The following ZRANB3 variants were observed in gnomAD, a reference collection of about 807,000 sequenced individuals.
ZRANB3 encodes DNA annealing helicase and endonuclease ZRANB3.
Under a neutral mutation model 133.8 loss-of-function variants are expected in ZRANB3, and 125 were observed. The ratio of observed to expected loss-of-function variants is 0.93; its 90% confidence interval spans 0.81 to 1.08. The LOEUF is 1.08. Ranked by LOEUF, ZRANB3 falls within the 50% of genes least tolerant of loss-of-function variation. The pLI is 0.00. For synonymous variants in ZRANB3, 387 were observed against 432.7 expected, an observed-to-expected ratio of 0.89 and a Z score of 1.31; for missense variants, 1,229 against 1,275.5, an observed-to-expected ratio of 0.96 and a Z score of 0.56.
intron 2 of ZRANB3, among the ~76,000 whole-genome samples, chr2:135,483,240 C>G (rs1691921241): frequency 6.6e-6 from 1 of 152,076 alleles, no homozygotes; most frequent in African/African-American, 2.4e-5. Context: ...GTGAATACAT[C>G]TGGTCCTGGA....
At chr2:135,487,341 G>T (rs1206155959) in intron 2 of ZRANB3, among the ~76,000 whole-genome samples, 1 of 152,188 alleles carries the variant, frequency 6.6e-6, no homozygotes, top group Non-Finnish European at 1.5e-5. Context: ...AAAGGCTCTA[G>T]GATATTCAGA....
chr2:135,248,083 A>G (rs1025864109), intron 12 of ZRANB3, among the ~76,000 whole-genome samples: 1 of 152,126 alleles, frequency 6.6e-6, no homozygotes, highest in Non-Finnish European at 1.5e-5. Flanking sequence ...TTGCTGTTTC[A>G]CAGACTTCAC....
chr2:135,318,391 T>C (rs931305993), intron 6 of ZRANB3, among the ~76,000 whole-genome samples: 19 of 152,156 alleles, frequency 1.2e-4, no homozygotes, highest in African/African-American at 4.6e-4. Flanking sequence ...GTTTGGGGGA[T>C]GGTTGAATAA....
chr2:135,315,414 A>C lies in ZRANB3; in HGVS notation c.794T>G (p.Leu265Arg). The change falls in exon 7 of 21, where the codon CTA becomes CGA. Residue 265 changes from leucine (L) to arginine (R), a missense_variant. Coordinates refer to ENST00000264159, the MANE Select transcript of ZRANB3 (RefSeq NM_032143.4). ...RRLKTEVLTQ[L>R]PPKVRQRIPF... ...AATACGCTGTCTGACTTTAGGGGGTAGCTGGGTTAAAACTTCAGTCTTTAA... is the reference window on the plus strand; with the variant it reads ...AATACGCTGTCTGACTTTAGGGGGTCGCTGGGTTAAAACTTCAGTCTTTAA... 1 of 1,606,466 alleles carries C rather than the reference A, an allele frequency of 6.2e-7. No individual in the cohort carries two copies. Among genetic ancestry groups the C allele is most frequent in the Non-Finnish European group, 8.5e-7 (1 of 1,177,260 alleles).
intron 2 of ZRANB3, among the ~76,000 whole-genome samples, chr2:135,446,163 G>A (rs1447724676): frequency 2.7e-5 from 4 of 149,478 alleles, no homozygotes; most frequent in Non-Finnish European, 5.9e-5. Context: ...CTGAGATTGC[G>A]CCATTGCACT....
At chr2:135,374,474 A>G (rs1366051939) in intron 3 of ZRANB3, among the ~76,000 whole-genome samples, 1 of 152,062 alleles carries the variant, frequency 6.6e-6, no homozygotes, top group Non-Finnish European at 1.5e-5. Flanking sequence ...GACAAGCCAC[A>G]GACTGGAAGA....
chr2:135,197,590 C>T lies in ZRANB3; in HGVS notation c.*2752G>A, dbSNP rs571034442. 4.6e-5 allele frequency: 7 copies of T among 152,218 alleles called. No individual in the cohort carries two copies. The highest frequency in any genetic ancestry group is 2.0e-4 in the Admixed American group (3 of 15,280). The allele number at this position is 152,218 out of a possible 1,614,324, so 9.4% of individuals were successfully genotyped here. A position where few individuals can be genotyped will look rare whatever the true frequency, so the allele number is the denominator to read the frequency against. ...ATTATTCCTCCTGGCTCTGGGGCTA[C>T]TAAAAGCAACTTTACTAGTCATCAG... On this transcript the variant is annotated 3_prime_UTR_variant, in exon 21 of 21. Coordinates refer to ENST00000264159, the MANE Select transcript of ZRANB3 (RefSeq NM_032143.4).
chr2:135,316,652 A>C (rs560816683), intron 6 of ZRANB3, among the ~76,000 whole-genome samples: 87 of 152,254 alleles, frequency 5.7e-4, no homozygotes, highest in Non-Finnish European at 8.8e-4. Flanking sequence ...ATTAAACATA[A>C]ACAATACACA....
intron 3 of ZRANB3, among the ~76,000 whole-genome samples, chr2:135,374,500 T>C (rs1329613617): frequency 1.3e-5 from 2 of 150,882 alleles, no homozygotes; most frequent in Non-Finnish European, 3.0e-5. Flanking sequence ...TTAAAACATA[T>C]CTTTTTTTTT....
chr2:135,403,839 C>T (rs1687865806), intron 2 of ZRANB3, among the ~76,000 whole-genome samples: 1 of 152,226 alleles, frequency 6.6e-6, no homozygotes, highest in South Asian at 2.1e-4. Flanking sequence ...CCCAGGCAAA[C>T]AGGGCCTGGA....
intron 1 of ZRANB3, among the ~76,000 whole-genome samples, chr2:135,508,930 T>A (rs1406592601): frequency 3.9e-5 from 6 of 152,054 alleles, no homozygotes; most frequent in African/African-American, 1.4e-4. Context: ...TAATGAATAC[T>A]TTATTCAGTT....
intron 6 of ZRANB3, among the ~76,000 whole-genome samples, chr2:135,326,225 T>C (rs1320118636): frequency 6.6e-6 from 1 of 152,168 alleles, no homozygotes; most frequent in Non-Finnish European, 1.5e-5. Flanking sequence ...TTATGTAAAA[T>C]TAAATATGTT....
intron 2 of ZRANB3, among the ~76,000 whole-genome samples, chr2:135,435,092 T>C (rs1689476493): frequency 6.6e-6 from 1 of 152,124 alleles, no homozygotes; most frequent in Non-Finnish European, 1.5e-5. Context: ...ATAACCCACA[T>C]ATTAAGCCTA....
chr2:135,442,105 T>G (rs976551799), intron 2 of ZRANB3, among the ~76,000 whole-genome samples: 39 of 152,100 alleles, frequency 2.6e-4, no homozygotes, highest in Non-Finnish European at 4.4e-5. Context: ...GAAGAAAACC[T>G]AGGCAATACC....
rs1041879704 is a variant in ZRANB3 at position 135,436,537 on chromosome 2, C to T, written c.162-45717G>A. ...AACTACCACAAAAAGAATAAAATAC[C>T]TAGGAATCTATCTAACCAGGGAGGT... On this transcript the variant is annotated intron_variant, in intron 2 of 20. Transcript: ENST00000264159. Among the ~76,000 whole-genome samples the T allele has an allele frequency of 5.4e-4, 82 of 152,184 alleles. 1 individual carries two copies. The highest frequency in any genetic ancestry group is 2.0e-3 in the African/African-American group (81 of 41,516).
intron 2 of ZRANB3, among the ~76,000 whole-genome samples, chr2:135,449,965 C>T (rs1690192635): frequency 6.6e-6 from 1 of 152,052 alleles, no homozygotes; most frequent in Admixed American, 6.5e-5. Context: ...ACTGTGTTGT[C>T]TAGGCTGGTC....
rs781240329 is a variant in ZRANB3, at chr2:135,227,976, T to C, written c.1994A>G (p.Asn665Ser). ...GTCTTTCTGAGAATCATCCTTCTCG[T>C]TTTTATCCTGGATATGGTTGAGGCT... is the stretch of plus-strand genomic sequence containing the variant. ...IDSLNHIQDK[N>S]EKDDSQKDTS... Residue 665 changes from asparagine (N) to serine (S), a missense_variant, in exon 14 of 21, where the codon AAC becomes AGC. Asn to Ser is a conservative substitution (Grantham distance 46, BLOSUM62 1). Coordinates refer to ENST00000264159, the MANE Select transcript of ZRANB3 (RefSeq NM_032143.4). 5.8e-6 allele frequency: 9 copies of C among 1,552,044 alleles called. No individual in the cohort carries two copies. In the South Asian group the frequency reaches 8.3e-5, roughly 14 times the overall value.
intron 12 of ZRANB3, among the ~76,000 whole-genome samples, chr2:135,235,567 C>A (rs1695247925): frequency 6.6e-6 from 1 of 151,824 alleles, no homozygotes; most frequent in South Asian, 2.1e-4. Flanking sequence ...AATCCAGCAG[C>A]ACATCAAAAA....
At chr2:135,281,574 G>A (rs1044922354) in intron 8 of ZRANB3, among the ~76,000 whole-genome samples, 7 of 152,066 alleles carry the variant, frequency 4.6e-5, no homozygotes, top group African/African-American at 1.2e-4. Flanking sequence ...CTGATATCCC[G>A]GAATGCAGCA....
Sources: gnomAD v4.1 joint callset for allele counts (sites outside exome capture counted in the v4.1 genomes callset) on GRCh38, gnomAD v4.1.1 for gene constraint, MANE v1.5 for transcripts, NCBI Gene and HGNC (gene_info 2026-07-23, HGNC 2026-07-21) for gene names.